Variants in TAFA1 observed in about 807,000 individuals in gnomAD.
The protein encoded by TAFA1 is chemokine-like protein TAFA-1.
Under a neutral mutation model 18.5 loss-of-function variants are expected in TAFA1, and 4 were observed. The ratio of observed to expected loss-of-function variants is 0.22; its 90% CI spans 0.11 to 0.49. The LOEUF (loss-of-function observed/expected upper bound fraction) is 0.49. Ranked by LOEUF, TAFA1 falls within the 20% of genes least tolerant of loss-of-function variation. TAFA1 has a pLI of 0.98. For synonymous variants in TAFA1, 56 were observed against 55.2 expected (o/e 1.01, Z -0.06); for missense variants, 147 against 169.0 (o/e 0.87, Z 0.72).
chr3:68,254,257 G>A (rs922047893), intron 2 of TAFA1, among the ~76,000 whole-genome samples: 2 of 151,812 alleles, frequency 1.3e-5, no homozygotes, highest in African/African-American at 4.8e-5. Context: ...ATAAAACACA[G>A]AACATGAGAA....
intron 2 of TAFA1, among the ~76,000 whole-genome samples, chr3:68,285,151 T>C (rs77050759): frequency 0.017 from 2,626 of 152,152 alleles, 88 homozygotes; most frequent in East Asian, 0.13. Context: ...AAACACTATA[T>C]TGAGTGAAAG....
intron 2 of TAFA1, among the ~76,000 whole-genome samples, chr3:68,173,001 A>C (rs1480769256): frequency 6.6e-6 from 1 of 152,160 alleles, no homozygotes; most frequent in Non-Finnish European, 1.5e-5. Context: ...CTTTTGCAAC[A>C]TGAGGGTATT....
chr3:68,059,825 C>T (rs1036998806), intron 2 of TAFA1, among the ~76,000 whole-genome samples: 3 of 152,000 alleles, frequency 2.0e-5, no homozygotes, highest in Non-Finnish European at 4.4e-5. Flanking sequence ...AATTATTAAC[C>T]CAAGTGCCAG....
intron 2 of TAFA1, among the ~76,000 whole-genome samples, chr3:68,325,122 G>C (rs1332335748): frequency 6.6e-6 from 1 of 152,204 alleles, no homozygotes; most frequent in Non-Finnish European, 1.5e-5. Flanking sequence ...AATCACAGAA[G>C]TTTGGAAATC....
intron 2 of TAFA1, among the ~76,000 whole-genome samples, chr3:68,118,739 G>T (rs150150688): frequency 3.3e-5 from 5 of 152,116 alleles, no homozygotes; most frequent in Non-Finnish European, 7.4e-5. Flanking sequence ...ATACACCATT[G>T]TGTGTATATA....
At chr3:68,529,350 C>T (rs2073154371) in intron 3 of TAFA1, among the ~76,000 whole-genome samples, 1 of 148,202 alleles carries the variant, frequency 6.7e-6, no homozygotes, top group African/African-American at 2.5e-5. Context: ...CTTCTTCCAT[C>T]TTACACACTA....
At chr3:68,232,969 A>G (rs1249859013) in intron 2 of TAFA1, among the ~76,000 whole-genome samples, 1 of 152,104 alleles carries the variant, frequency 6.6e-6, no homozygotes, top group Admixed American at 6.6e-5. Flanking sequence ...TTACATTCCC[A>G]CTAACAATAT....
At chr3:68,255,105 G>A (rs1031182468) in intron 2 of TAFA1, among the ~76,000 whole-genome samples, 1 of 152,084 alleles carries the variant, frequency 6.6e-6, no homozygotes, top group Admixed American at 6.6e-5. Flanking sequence ...TCAAATAAGG[G>A]CTAGTGAAAC....
intron 2 of TAFA1, among the ~76,000 whole-genome samples, chr3:68,080,505 C>A (rs985766786): frequency 4.6e-5 from 7 of 151,892 alleles, no homozygotes; most frequent in African/African-American, 1.7e-4. Context: ...TTAGGGCAGG[C>A]CTGGTGGTGA....
upstream of TAFA1, among the ~76,000 whole-genome samples, chr3:67,999,550 GA>G (rs967088927): frequency 3.8e-4 from 58 of 152,078 alleles, no homozygotes; most frequent in African/African-American, 1.2e-3. Context: ...AACATCTGTA[GA>G]CTTTTTTTAT....
chr3:68,005,411 A>C (rs1399221045), intron 1 of TAFA1, among the ~76,000 whole-genome samples: 6 of 152,224 alleles, frequency 3.9e-5, no homozygotes, highest in Non-Finnish European at 7.3e-5. Context: ...CCATTTGTCT[A>C]TTATAGTCCT....
At chr3:68,222,794 T>G (rs1034108330) in intron 2 of TAFA1, among the ~76,000 whole-genome samples, 3 of 152,068 alleles carry the variant, frequency 2.0e-5, no homozygotes, top group African/African-American at 7.2e-5. Flanking sequence ...TGTCTCAACC[T>G]CCCAAGTAGC....
At chr3:68,290,562 A>C (rs1390687800) in intron 2 of TAFA1, among the ~76,000 whole-genome samples, 2 of 152,144 alleles carry the variant, frequency 1.3e-5, no homozygotes, top group Non-Finnish European at 2.9e-5. Flanking sequence ...CATCCCATTC[A>C]GACCAGGAGT....
intron 2 of TAFA1, among the ~76,000 whole-genome samples, chr3:68,402,871 TG>T (rs1452777669): frequency 6.6e-6 from 1 of 152,224 alleles, no homozygotes; most frequent in African/African-American, 2.4e-5. Context: ...AATAGTTATT[TG>T]TAAACATATT....
At chr3:68,216,834 G>A (rs2066664854) in intron 2 of TAFA1, among the ~76,000 whole-genome samples, 2 of 152,078 alleles carry the variant, frequency 1.3e-5, no homozygotes, top group Non-Finnish European at 2.9e-5. Flanking sequence ...CTGGAGCAAT[G>A]AGCAACAAAA....
chr3:68,400,705 C>A (rs1407576851), intron 2 of TAFA1, among the ~76,000 whole-genome samples: 1 of 152,128 alleles, frequency 6.6e-6, no homozygotes, highest in Non-Finnish European at 1.5e-5. Context: ...AATGACTCAA[C>A]TATCAAACTT....
intron 2 of TAFA1, among the ~76,000 whole-genome samples, chr3:68,380,474 A>G (rs1575818875): frequency 6.6e-6 from 1 of 152,192 alleles, no homozygotes; most frequent in African/African-American, 2.4e-5. Flanking sequence ...CTGGTGTGTG[A>G]TGGTATCTCA....
intron 3 of TAFA1, among the ~76,000 whole-genome samples, chr3:68,451,029 A>C (rs2071559566): frequency 6.6e-6 from 1 of 152,208 alleles, no homozygotes; most frequent in Non-Finnish European, 1.5e-5. Context: ...TTAAAGTTTC[A>C]AATTCAGGCA....
intron 2 of TAFA1, among the ~76,000 whole-genome samples, chr3:68,271,836 TCACA>T (rs965274782): frequency 7.7e-5 from 10 of 129,220 alleles, no homozygotes; most frequent in South Asian, 2.5e-4. Context: ...TCTCTCTCTC[TCACA>T]CACACACACA....
Sources: gnomAD v4.1 joint callset for allele counts (sites outside exome capture counted in the v4.1 genomes callset) on GRCh38, gnomAD v4.1.1 for gene constraint, MANE v1.5 for transcripts, NCBI Gene and HGNC (gene_info 2026-07-23, HGNC 2026-07-21) for gene names.